ACACB: variants seen among roughly 807,000 people sequenced by gnomAD.
The protein encoded by ACACB is acetyl-CoA carboxylase 2.
Under a neutral mutation model 278.8 loss-of-function variants are expected in ACACB, and 209 were observed. The observed-to-expected ratio is 0.75, with a 90% CI of 0.67 to 0.84. The LOEUF is 0.84. Ranked by LOEUF, ACACB falls within the 40% of genes least tolerant of loss-of-function variation. The probability of loss-of-function intolerance (pLI) is 0.00; values close to 1 mark genes in which losing one functional copy is unlikely to be tolerated. For synonymous variants in ACACB, 1,174 were observed against 1,285.6 expected, an observed-to-expected ratio of 0.91 and a Z score of 1.86; for missense variants, 2,850 against 3,269.0, an observed-to-expected ratio of 0.87 and a Z score of 3.13.
chr12:109,179,161 A>C lies in ACACB; in HGVS notation c.1511A>C (p.Gln504Pro). ...CAGCACGCCCGTCACCTGGAAGTTC[A>C]GATCCTCGCTGACCAGTATGGGAAT... Reference protein sequence around the residue: ...LAQHARHLEVQILADQYGNAV... With the variant: ...LAQHARHLEVPILADQYGNAV... Residue 504 changes from glutamine to proline, a missense_variant, in exon 10 of 53, where the codon CAG (glutamine) becomes CCG (proline). Physicochemically the swap from Gln to Pro is moderately conservative, Grantham distance 76 (BLOSUM62 -1). Coordinates refer to ENST00000338432, the MANE Select transcript of ACACB (RefSeq NM_001093.4). 6.2e-7 allele frequency: 1 copy of C among 1,614,064 alleles called. No individual in the cohort carries two copies. The highest frequency in any genetic ancestry group is 2.2e-5 in the East Asian group (1 of 44,876).
rs150013942 is a variant in ACACB at position 109,246,574 on chromosome 12, A to G, written c.5571+126A>G. 317 of 1,186,636 alleles carry G rather than the reference A, an allele frequency of 2.7e-4. 1 individual carries two copies. The African/African-American group carries it at 4.4e-3, about 16-fold the overall frequency. 73.5% of individuals were successfully genotyped at this position (1,186,636 alleles called of 1,614,324 possible). On this transcript the variant is annotated intron_variant, in intron 39 of 52. Coordinates refer to ENST00000338432, the MANE Select transcript of ACACB (RefSeq NM_001093.4). ...ATGTATAAAGCACAGATGTACATGT[A>G]GTGTATAAACAGGCATACAGTGTAT...
chr12:109,246,249 T>C lies in ACACB; in HGVS notation c.5372T>C (p.Ile1791Thr), dbSNP rs1219138053. ...CCGGAAGGACGGGATGTGATCGTCATCGGCAATGACATCACCTTTCGCATT... is the reference window on the plus strand; with the variant it reads ...CCGGAAGGACGGGATGTGATCGTCACCGGCAATGACATCACCTTTCGCATT... Reference protein sequence around the residue: ...EYPEGRDVIVIGNDITFRIGS... With the variant: ...EYPEGRDVIVTGNDITFRIGS... The change falls in exon 39 of 53, where the codon ATC (isoleucine) becomes ACC (threonine). Residue 1791 changes from isoleucine (I) to threonine (T), a missense_variant. Around this residue, in one of 3 missense-constraint regions of ACACB, gnomAD observed 2,265 missense variants for 2,561.3 expected, o/e 0.88. Coordinates refer to ENST00000338432, the MANE Select transcript of ACACB (RefSeq NM_001093.4). 6.2e-7 allele frequency: 1 copy of C among 1,613,574 alleles called. No homozygotes were observed. The highest frequency in any genetic ancestry group is 1.7e-5 in the Admixed American group (1 of 59,910).
Position 109,258,307 on chromosome 12 carries a change from ACG to A in ACACB, c.6304_6305del (p.Arg2102AspfsTer16). On this transcript the variant is annotated frameshift_variant, in exon 46 of 53. Transcript: ENST00000338432. LOFTEE classifies it high-confidence loss of function. ...CCGTGGGAGTGATTGCTGTGGAGAC[ACG>A]GACTGTGGAGGTGGCAGTCCCTGCA... ...IPVGVIAVET[R>X]TVEVAVPADP... The A allele has an allele frequency of 6.2e-7, 1 of 1,612,766 alleles. No individual in the cohort carries two copies. The highest frequency in any genetic ancestry group is 8.5e-7 in the Non-Finnish European group (1 of 1,179,902).
At chr12:109,131,798 C>G (rs1392292410) in intron 1 of ACACB, among the ~76,000 whole-genome samples, 1 of 152,182 alleles carries the variant, frequency 6.6e-6, no homozygotes, top group Non-Finnish European at 1.5e-5. Flanking sequence ...AGGGCAGCAG[C>G]TTGTCATGAT....
chr12:109,135,128 AC>A (rs1323608199), intron 1 of ACACB, among the ~76,000 whole-genome samples: 2 of 152,158 alleles, frequency 1.3e-5, no homozygotes, highest in African/African-American at 4.8e-5. Context: ...TTAAATTCCT[AC>A]TGGCAATGGT....
At chr12:109,221,434 C>A (rs553311556) in intron 24 of ACACB, among the ~76,000 whole-genome samples, 2 of 152,284 alleles carry the variant, frequency 1.3e-5, no homozygotes, top group East Asian at 3.9e-4. Context: ...TGTTCCCAAG[C>A]CCCATATGCA....
Position 109,227,290 on chromosome 12 carries a change from G to C in ACACB, c.3883-81G>C. The C allele has an allele frequency of 2.4e-6, 3 of 1,237,176 alleles. No homozygotes were observed. In the South Asian group the frequency reaches 4.0e-5, roughly 16 times the overall value. The allele number at this position is 1,237,176 out of a possible 1,614,324, so 76.6% of individuals were successfully genotyped here. On this transcript the variant is annotated intron_variant, in intron 27 of 52. Transcript: ENST00000338432. ...ATTTTAGAGGTCATTTCTGGTACCT[G>C]TTCCCCGTGAGTGCCCTCAGCTTTT... is the stretch of plus-strand genomic sequence containing the variant.
Position 109,254,338 on chromosome 12 carries a change from A to G in ACACB, c.6166+4A>G, listed in dbSNP as rs747182885. On this transcript the variant is annotated splice_donor_region_variant and intron_variant, in intron 44 of 52. Transcript: ENST00000338432. ...CTTGCAGGAAGGCCTCACCCAAGTAAGTTCTAAAGTATTTTGCCTAGGACC... is the reference window on the plus strand; with the variant it reads ...CTTGCAGGAAGGCCTCACCCAAGTAGGTTCTAAAGTATTTTGCCTAGGACC... The G allele has an allele frequency of 3.1e-6, 5 of 1,604,722 alleles. No individual in the cohort carries two copies. The African/African-American group carries it at 5.7e-5, about 18-fold the overall frequency.
intron 37 of ACACB, among the ~76,000 whole-genome samples, chr12:109,243,839 A>C (rs1041968970): frequency 1.3e-5 from 2 of 151,264 alleles, no homozygotes; most frequent in African/African-American, 4.8e-5. Context: ...TGGTGATGTG[A>C]ATGTCTCTTC....
chr12:109,201,818 G>GATCT, intron 19 of ACACB, 117 bp downstream of exon 19: 2 of 1,380,354 alleles, frequency 1.4e-6, no homozygotes, highest in South Asian at 1.4e-5. Flanking sequence ...TCCACCTGCA[G>GATCT]ACAGAGCTCG....
intron 16 of ACACB, among the ~76,000 whole-genome samples, chr12:109,196,761 C>T (rs966751023): frequency 3.3e-5 from 5 of 152,200 alleles, no homozygotes; most frequent in Non-Finnish European, 5.9e-5. Context: ...CACGGCTTGA[C>T]AGGGACTATA....
At chr12:109,248,148 G>T (rs1301218645) in intron 40 of ACACB, among the ~76,000 whole-genome samples, 1 of 152,112 alleles carries the variant, frequency 6.6e-6, no homozygotes, top group Non-Finnish European at 1.5e-5. Context: ...TCCTAGACTG[G>T]GTTTTTTGCA....
chr12:109,135,240 T>C (rs1374037871), intron 1 of ACACB, among the ~76,000 whole-genome samples: 1 of 152,214 alleles, frequency 6.6e-6, no homozygotes, highest in African/African-American at 2.4e-5. Flanking sequence ...GGTATCTCAC[T>C]GTGATTATAT....
chr12:109,136,379 AC>A (rs2042966761), intron 1 of ACACB, among the ~76,000 whole-genome samples: 1 of 152,168 alleles, frequency 6.6e-6, no homozygotes, highest in Non-Finnish European at 1.5e-5. Flanking sequence ...GGACATCTTA[AC>A]AATAAGTCTT....
At chr12:109,167,631 A>ATATATG (rs1376736133) in intron 3 of ACACB, among the ~76,000 whole-genome samples, 1 of 127,656 alleles carries the variant, frequency 7.8e-6, no homozygotes, top group Non-Finnish European at 1.6e-5. Flanking sequence ...GTATATATAT[A>ATATATG]TATATATATA....
chr12:109,139,382 C>G lies in ACACB; in HGVS notation c.-9-15C>G. On this transcript the variant is annotated splice_polypyrimidine_tract_variant and intron_variant, in intron 1 of 52. Transcript: ENST00000338432. ...TTATGTAAATCCTAAAATGTCTCTC[C>G]TTTTCTCCTTACAGATTTTCTGAAT... 6.3e-7 allele frequency: 1 copy of G among 1,596,588 alleles called. No individual in the cohort carries two copies.
rs2047459558 is a variant in ACACB, at chr12:109,264,401, T to G, written c.6942+15T>G. The G allele has an allele frequency of 6.2e-7, 1 of 1,609,174 alleles. No homozygotes were observed. ...GCGTCATATCTGTGAGAGCCACAGC[T>G]GCCGTGTAGGGTGCAAAGAGCCCAC... On this transcript the variant is annotated intron_variant, in intron 50 of 52. Transcript: ENST00000338432.
At chr12:109,259,815 G>C (rs2047331641) in intron 47 of ACACB, among the ~76,000 whole-genome samples, 1 of 152,184 alleles carries the variant, frequency 6.6e-6, no homozygotes, top group African/African-American at 2.4e-5. Context: ...AAGCCACCAA[G>C]CATGTTTTGG....
chr12:109,217,754 C>A (rs577773948), intron 24 of ACACB, among the ~76,000 whole-genome samples: 1 of 152,056 alleles, frequency 6.6e-6, no homozygotes, highest in Non-Finnish European at 1.5e-5. Context: ...AAGCTGTGAT[C>A]ACACCACTAC....
Sources: allele counts gnomAD v4.1 joint callset (sites outside exome capture counted in the v4.1 genomes callset), GRCh38; gene constraint gnomAD v4.1.1; regional missense constraint gnomAD v4.1.1; transcripts MANE v1.5; gene names NCBI Gene and HGNC (gene_info 2026-07-23, HGNC 2026-07-21).